The following KLHL32 variants were observed in gnomAD, a reference collection of about 807,000 sequenced individuals.
KLHL32 encodes the protein kelch like family member 32.
KLHL32 carries 35 observed loss-of-function variants against 64.8 expected under a neutral mutation model. The observed-to-expected ratio is 0.54, with a 90% CI of 0.41 to 0.72. KLHL32 has a LOEUF of 0.72. Among genes scored for constraint, KLHL32 ranks in the 30% least tolerant of loss-of-function variants. The probability of loss-of-function intolerance (pLI) is 0.00; values close to 1 mark genes in which losing one functional copy is unlikely to be tolerated. For synonymous variants in KLHL32, 259 were observed against 281.0 expected (o/e 0.92, Z 0.78); for missense variants, 589 against 768.5 (o/e 0.77, Z 2.76).
chr6:96,963,741 G>A (rs1429586291), intron 1 of KLHL32, among the ~76,000 whole-genome samples: 3 of 152,140 alleles, frequency 2.0e-5, no homozygotes, highest in Admixed American at 6.5e-5. Context: ...GTCTTTAAAT[G>A]TTCAGTAAAA....
intron 3 of KLHL32, chr6:97,010,126 C>CAAAAAA (rs57115555): frequency 1.1e-5 from 1 of 87,014 alleles, no homozygotes; most frequent in Non-Finnish European, 2.8e-5. Flanking sequence ...ACTGATTTGA[C>CAAAAAA]AAAAAAAAAA....
At chr6:97,035,009 GGGTA>G (rs1422112658) in intron 3 of KLHL32, among the ~76,000 whole-genome samples, 1 of 151,878 alleles carries the variant, frequency 6.6e-6, no homozygotes, top group Non-Finnish European at 1.5e-5. Context: ...TAATTGCTCT[GGGTA>G]GGACTTCCAG....
At chr6:96,951,379 C>T (rs2128010827) in intron 1 of KLHL32, among the ~76,000 whole-genome samples, 1 of 152,154 alleles carries the variant, frequency 6.6e-6, no homozygotes, top group East Asian at 1.9e-4. Flanking sequence ...GGGACAGCAG[C>T]AGGAGGAAAG....
chr6:97,109,165 C>T (rs1796798208), intron 6 of KLHL32, among the ~76,000 whole-genome samples: 1 of 152,102 alleles, frequency 6.6e-6, no homozygotes, highest in South Asian at 2.1e-4. Flanking sequence ...CCAGAAACCC[C>T]CGTGTAATTT....
At chr6:96,997,602 G>A (rs1292048702) in intron 3 of KLHL32, among the ~76,000 whole-genome samples, 1 of 152,026 alleles carries the variant, frequency 6.6e-6, no homozygotes, top group African/African-American at 2.4e-5. Context: ...AATTAGCTGG[G>A]TGTAGTGGCA....
chr6:96,981,698 ACTC>A (rs1301552204), intron 3 of KLHL32, among the ~76,000 whole-genome samples: 2 of 150,730 alleles, frequency 1.3e-5, no homozygotes, highest in African/African-American at 4.9e-5. Flanking sequence ...AGTACTGTAA[ACTC>A]CTCTCTTAAC....
At chr6:97,046,776 G>A (rs1358811508) in intron 4 of KLHL32, among the ~76,000 whole-genome samples, 14 of 152,150 alleles carry the variant, frequency 9.2e-5, no homozygotes, top group Admixed American at 2.0e-4. Context: ...AAAGGTTGGA[G>A]CATAGGAATG....
At chr6:97,014,157 T>G (rs914572325) in intron 3 of KLHL32, among the ~76,000 whole-genome samples, 2 of 151,932 alleles carry the variant, frequency 1.3e-5, no homozygotes, top group African/African-American at 2.4e-5. Flanking sequence ...AGCCGGGCGT[T>G]GTGGTGGGCG....
At chr6:97,102,997 C>T (rs1795928962) in intron 6 of KLHL32, among the ~76,000 whole-genome samples, 2 of 151,688 alleles carry the variant, frequency 1.3e-5, no homozygotes, top group Admixed American at 6.6e-5. Flanking sequence ...CCCCACCCTC[C>T]ACCATCATGA....
chr6:97,075,312 A>G lies in KLHL32; in HGVS notation c.412-9814A>G, dbSNP rs75619753. Among the ~76,000 whole-genome samples the G allele has an allele frequency of 2.0e-3, 307 of 152,336 alleles. 1 individual carries two copies. Among genetic ancestry groups the G allele is most frequent in the African/African-American group, 7.0e-3 (292 of 41,586 alleles). ...CATATCAATGTTTGAATATATCATT[A>G]CATACAGTTGTCCATACATATTTAC... is the stretch of plus-strand genomic sequence containing the variant. On this transcript the variant is annotated intron_variant, in intron 5 of 10. Transcript: ENST00000369261.
chr6:97,085,450 G>T (rs1793270372), intron 6 of KLHL32, 109 bp downstream of exon 6: 14 of 934,312 alleles, frequency 1.5e-5, no homozygotes, highest in Non-Finnish European at 8.2e-6. Flanking sequence ...GGTCCTCATG[G>T]AGTTGTTTTA....
intron 3 of KLHL32, among the ~76,000 whole-genome samples, chr6:97,019,724 T>C (rs1562249509): frequency 2.0e-5 from 3 of 152,226 alleles, no homozygotes; most frequent in Middle Eastern, 3.4e-3. Context: ...CGTAATAAAA[T>C]AATTGGAAGT....
chr6:97,139,468 G>A lies in KLHL32; in HGVS notation c.*186G>A, dbSNP rs2128226916. On this transcript the variant is annotated 3_prime_UTR_variant, in exon 11 of 11. Coordinates refer to ENST00000369261, the MANE Select transcript of KLHL32 (RefSeq NM_052904.4). ...AAACTCGTCACCCTTCTCAGTGTAT[G>A]TCAACATTCAATATGTATGACTTTT... The A allele has an allele frequency of 5.3e-6, 3 of 570,940 alleles. No individual in the cohort carries two copies. The East Asian group carries it at 8.9e-5, about 17-fold the overall frequency. The allele number at this position is 570,940 out of a possible 1,614,324, so 35.4% of individuals were successfully genotyped here. A position where few individuals can be genotyped will look rare whatever the true frequency, so the allele number is the denominator to read the frequency against.
chr6:96,987,739 T>G (rs1777292009), intron 3 of KLHL32, among the ~76,000 whole-genome samples: 1 of 152,178 alleles, frequency 6.6e-6, no homozygotes, highest in Non-Finnish European at 1.5e-5. Context: ...AGCAAGGTAC[T>G]GGTACCAAAA....
chr6:96,968,093 G>A (rs1032126850), intron 2 of KLHL32, among the ~76,000 whole-genome samples: 3 of 152,166 alleles, frequency 2.0e-5, no homozygotes, highest in African/African-American at 7.2e-5. Flanking sequence ...TGACTCTGAA[G>A]CTATTAGAGG....
intron 1 of KLHL32, among the ~76,000 whole-genome samples, chr6:96,958,706 A>G (rs1773547110): frequency 2.3e-5 from 3 of 131,188 alleles, no homozygotes; most frequent in Non-Finnish European, 5.0e-5. Flanking sequence ...CTGGATCTTC[A>G]CATCTCTCAG....
At chr6:96,986,527 G>A (rs1213278765) in intron 3 of KLHL32, among the ~76,000 whole-genome samples, 7 of 152,308 alleles carry the variant, frequency 4.6e-5, no homozygotes, top group African/African-American at 7.2e-5. Flanking sequence ...CACCCAATTC[G>A]AGCTTCCTGG....
At chr6:97,122,289 A>G (rs1184425811) in intron 7 of KLHL32, among the ~76,000 whole-genome samples, 1 of 151,976 alleles carries the variant, frequency 6.6e-6, no homozygotes, top group Admixed American at 6.5e-5. Context: ...TTAAGTACCC[A>G]TCATCTGTGT....
At chr6:97,059,456 T>C (rs1326938182) in intron 4 of KLHL32, among the ~76,000 whole-genome samples, 1 of 152,218 alleles carries the variant, frequency 6.6e-6, no homozygotes, top group Admixed American at 6.5e-5. Flanking sequence ...ATTGCTCAGA[T>C]GGAGCACTTC....
Sources: gnomAD v4.1 joint callset for allele counts (sites outside exome capture counted in the v4.1 genomes callset) on GRCh38, gnomAD v4.1.1 for gene constraint, MANE v1.5 for transcripts, NCBI Gene and HGNC (gene_info 2026-07-23, HGNC 2026-07-21) for gene names.